Variants in MTUS2 observed in about 807,000 individuals in gnomAD.
MTUS2 encodes microtubule-associated tumor suppressor candidate 2.
A neutral mutation model predicts 114.1 loss-of-function variants in MTUS2; 40 were observed. That is an observed-to-expected ratio of 0.35 (90% CI 0.27 to 0.46). The LOEUF (loss-of-function observed/expected upper bound fraction) is 0.46. MTUS2 is among the 20% of genes least tolerant of loss of function. The pLI, the probability that MTUS2 is intolerant of heterozygous loss-of-function variation, is 1.00. For missense variants in MTUS2, 1,679 were observed against 1,705.4 expected (o/e 0.98, Z 0.27); for synonymous variants, 688 against 672.0 (o/e 1.02, Z -0.37).
At chr13:29,132,148 G>T (rs1364247465) in intron 5 of MTUS2, among the ~76,000 whole-genome samples, 1 of 152,192 alleles carries the variant, frequency 6.6e-6, no homozygotes, top group East Asian at 1.9e-4. Context: ...CATGTGCATG[G>T]TGTATATACA....
chr13:29,244,954 TCA>T (rs1896861214), intron 5 of MTUS2, among the ~76,000 whole-genome samples: 1 of 7,392 alleles, frequency 1.4e-4, no homozygotes. Context: ...AGACTCCGTC[TCA>T]AAAAAAAAAA....
At chr13:29,332,253 T>A (rs995851455) in intron 7 of MTUS2, among the ~76,000 whole-genome samples, 4 of 152,170 alleles carry the variant, frequency 2.6e-5, no homozygotes, top group Non-Finnish European at 4.4e-5. Context: ...TATTGATCTA[T>A]TCAGGGATTC....
intron 8 of MTUS2, among the ~76,000 whole-genome samples, chr13:29,375,645 AC>A (rs1871662721): frequency 4.1e-5 from 1 of 24,380 alleles, no homozygotes; most frequent in African/African-American, 1.0e-4. Flanking sequence ...ATATACACAC[AC>A]CATGAAATAC....
At chr13:29,252,688 C>T (rs565234518) in intron 5 of MTUS2, among the ~76,000 whole-genome samples, 2 of 152,108 alleles carry the variant, frequency 1.3e-5, no homozygotes, top group South Asian at 2.1e-4. Flanking sequence ...GGGCAGTTTC[C>T]CCCATACTGT....
intron 8 of MTUS2, among the ~76,000 whole-genome samples, chr13:29,388,312 T>C (rs956074768): frequency 5.9e-5 from 9 of 152,012 alleles, no homozygotes; most frequent in Non-Finnish European, 1.0e-4. Context: ...GTTGTCTTCG[T>C]ACTTTTTTGT....
At chr13:28,891,335 A>G (rs138511155) in intron 2 of MTUS2, among the ~76,000 whole-genome samples, 214 of 152,298 alleles carry the variant, frequency 1.4e-3, no homozygotes, top group African/African-American at 4.4e-3. Context: ...TGCCTCTTGA[A>G]AGGGAACTGG....
At chr13:29,419,428 T>G (rs1432980830) in intron 8 of MTUS2, among the ~76,000 whole-genome samples, 1 of 152,084 alleles carries the variant, frequency 6.6e-6, no homozygotes, top group Non-Finnish European at 1.5e-5. Flanking sequence ...GGGAAGGCCA[T>G]TTCCTCTGGG....
At chr13:29,158,559 G>A (rs2139068378) in intron 5 of MTUS2, among the ~76,000 whole-genome samples, 1 of 151,808 alleles carries the variant, frequency 6.6e-6, no homozygotes, top group South Asian at 2.1e-4. Flanking sequence ...GAGCAAGGAA[G>A]ACATGGAAGA....
At chr13:29,386,244 CTT>C (rs1184499690) in intron 8 of MTUS2, among the ~76,000 whole-genome samples, 1 of 152,174 alleles carries the variant, frequency 6.6e-6, no homozygotes, top group Non-Finnish European at 1.5e-5. Context: ...AACATCAAGA[CTT>C]TTGCAATAGG....
chr13:28,955,092 G>A (rs1882993632), intron 2 of MTUS2, among the ~76,000 whole-genome samples: 1 of 152,172 alleles, frequency 6.6e-6, no homozygotes, highest in South Asian at 2.1e-4. Context: ...TATTGGCAGA[G>A]CTGCTATTCA....
At chr13:28,921,924 A>G (rs934433106) in intron 2 of MTUS2, among the ~76,000 whole-genome samples, 10 of 152,190 alleles carry the variant, frequency 6.6e-5, no homozygotes, top group Non-Finnish European at 1.3e-4. Context: ...AGGTGGCACA[A>G]GCACAACCTG....
intron 8 of MTUS2, among the ~76,000 whole-genome samples, chr13:29,371,515 G>A (rs1326833278): frequency 6.6e-6 from 1 of 152,152 alleles, no homozygotes; most frequent in Admixed American, 6.5e-5. Context: ...ACTGTGCCCG[G>A]CCTCTTCACA....
intron 5 of MTUS2, among the ~76,000 whole-genome samples, chr13:29,109,221 T>C (rs567554874): frequency 6.6e-6 from 1 of 152,378 alleles, no homozygotes; most frequent in South Asian, 2.1e-4. Context: ...TGTTTTGATA[T>C]ACATATGCAT....
At chr13:29,139,947 C>G (rs981434552) in intron 5 of MTUS2, among the ~76,000 whole-genome samples, 4 of 152,174 alleles carry the variant, frequency 2.6e-5, no homozygotes, top group Non-Finnish European at 5.9e-5. Flanking sequence ...TTAATCATCA[C>G]CTGCCCTGTA....
At chr13:28,962,523 G>T (rs1883377380) in intron 2 of MTUS2, among the ~76,000 whole-genome samples, 1 of 152,084 alleles carries the variant, frequency 6.6e-6, no homozygotes, top group Non-Finnish European at 1.5e-5. Flanking sequence ...TAGCTTTGTA[G>T]ATGGCAGGTC....
chr13:29,385,462 G>A (rs918881489), intron 8 of MTUS2, among the ~76,000 whole-genome samples: 2 of 152,176 alleles, frequency 1.3e-5, no homozygotes, highest in African/African-American at 4.8e-5. Flanking sequence ...CAATTAGAAC[G>A]CTCCATAAAC....
chr13:29,227,159 T>C (rs1896139365), intron 5 of MTUS2, among the ~76,000 whole-genome samples: 1 of 145,536 alleles, frequency 6.9e-6, no homozygotes. Flanking sequence ...CTCGGGAGGC[T>C]GGGGTAGGAG....
At chr13:28,925,151 T>C (rs1463414860) in intron 2 of MTUS2, among the ~76,000 whole-genome samples, 1 of 152,144 alleles carries the variant, frequency 6.6e-6, no homozygotes, top group Non-Finnish European at 1.5e-5. Context: ...ATTTCACTTT[T>C]GCATTTTACC....
At chr13:29,024,397 T>C (rs189725875) in intron 2 of MTUS2, 60 bp from the exon 3 acceptor site, 11 of 328,420 alleles carry the variant, frequency 3.3e-5, no homozygotes, top group Middle Eastern at 1.6e-3. Flanking sequence ...TTTACCACTT[T>C]TTTCTCCTGA....
Sources: gnomAD v4.1 joint callset for allele counts (sites outside exome capture counted in the v4.1 genomes callset) on GRCh38, gnomAD v4.1.1 for gene constraint, MANE v1.5 for transcripts, NCBI Gene and HGNC (gene_info 2026-07-23, HGNC 2026-07-21) for gene names.